Variants in DPP10 observed in about 807,000 individuals in gnomAD.
The protein encoded by DPP10 is dipeptidyl peptidase like 10, also known as inactive dipeptidyl peptidase 10.
A neutral mutation model predicts 120.9 loss-of-function variants in DPP10; 33 were observed. The observed-to-expected ratio is 0.27, with a 90% CI of 0.21 to 0.37. DPP10 has a LOEUF of 0.37. Among genes scored for constraint, DPP10 ranks in the 10% least tolerant of loss-of-function variants. The probability of loss-of-function intolerance (pLI) is 1.00; values close to 1 mark genes in which losing one functional copy is unlikely to be tolerated. For missense variants in DPP10, 816 were observed against 942.8 expected, an observed-to-expected ratio of 0.87 and a Z score of 1.76; for synonymous variants, 337 against 326.1, an observed-to-expected ratio of 1.03 and a Z score of -0.36.
intron 1 of DPP10, among the ~76,000 whole-genome samples, chr2:114,615,914 T>C (rs1215645581): frequency 1.3e-5 from 2 of 152,184 alleles, no homozygotes; most frequent in Non-Finnish European, 2.9e-5. Context: ...GCTCATTATC[T>C]GATAAGGTGT....
At chr2:114,953,864 G>A (rs1697984999) in intron 1 of DPP10, among the ~76,000 whole-genome samples, 1 of 151,890 alleles carries the variant, frequency 6.6e-6, no homozygotes, top group Non-Finnish European at 1.5e-5. Context: ...AATAAATACT[G>A]TGATTAGTGT....
intron 2 of DPP10, among the ~76,000 whole-genome samples, chr2:115,312,454 C>A (rs1012274323): frequency 6.6e-6 from 1 of 152,118 alleles, no homozygotes; most frequent in Non-Finnish European, 1.5e-5. Context: ...CTTGAGTCTT[C>A]AGCCTGGAAG....
intron 1 of DPP10, among the ~76,000 whole-genome samples, chr2:114,961,810 C>T (rs745671098): frequency 5.3e-5 from 8 of 151,940 alleles, no homozygotes; most frequent in Non-Finnish European, 5.9e-5. Flanking sequence ...AAAAATTAGC[C>T]GGGCATGATG....
At chr2:114,522,916 GA>G (rs1386874179) in intron 1 of DPP10, among the ~76,000 whole-genome samples, 4 of 152,242 alleles carry the variant, frequency 2.6e-5, no homozygotes, top group Non-Finnish European at 4.4e-5. Flanking sequence ...GAACAGCATG[GA>G]AAAAACTTGC....
intron 5 of DPP10, among the ~76,000 whole-genome samples, chr2:115,615,997 T>C (rs187306489): frequency 6.6e-6 from 1 of 152,306 alleles, no homozygotes. Flanking sequence ...TATTAGCAAT[T>C]CTAAATTATT....
intron 5 of DPP10, among the ~76,000 whole-genome samples, chr2:115,538,163 T>A (rs2078974313): frequency 6.6e-6 from 1 of 151,946 alleles, no homozygotes; most frequent in South Asian, 2.1e-4. Flanking sequence ...GACTGATGGC[T>A]CTCTCCCTTG....
At chr2:115,835,028 G>C (rs1689318174) in intron 21 of DPP10, among the ~76,000 whole-genome samples, 1 of 151,884 alleles carries the variant, frequency 6.6e-6, no homozygotes. Flanking sequence ...GGAGCTTGCA[G>C]TGAGCCCAGG....
At chr2:114,457,012 C>T (rs1368623054) in intron 1 of DPP10, among the ~76,000 whole-genome samples, 1 of 152,158 alleles carries the variant, frequency 6.6e-6, no homozygotes, top group Non-Finnish European at 1.5e-5. Context: ...CCTGATCTAA[C>T]TCCATCTAGT....
intron 1 of DPP10, chr2:115,130,905 T>A (rs1024635306): frequency 2.0e-5 from 3 of 152,380 alleles, no homozygotes; most frequent in South Asian, 2.1e-4. Context: ...AGTTACCAAC[T>A]TAATTCAGAA....
intron 1 of DPP10, among the ~76,000 whole-genome samples, chr2:114,688,672 G>C (rs1160073442): frequency 6.6e-6 from 1 of 152,088 alleles, no homozygotes; most frequent in Non-Finnish European, 1.5e-5. Context: ...CTTGGCATGT[G>C]AGGAATCCAC....
At chr2:115,439,831 T>C (rs1198247535) in intron 3 of DPP10, among the ~76,000 whole-genome samples, 1 of 152,168 alleles carries the variant, frequency 6.6e-6, no homozygotes, top group Non-Finnish European at 1.5e-5. Context: ...ACATATATAA[T>C]GTGTAGATCA....
chr2:115,146,146 T>C (rs2051214181), intron 1 of DPP10, among the ~76,000 whole-genome samples: 1 of 152,126 alleles, frequency 6.6e-6, no homozygotes, highest in Non-Finnish European at 1.5e-5. Context: ...TCTTTCTGAC[T>C]CCAAATCTCA....
chr2:114,722,583 T>A (rs1237819323), intron 1 of DPP10, among the ~76,000 whole-genome samples: 1 of 151,926 alleles, frequency 6.6e-6, no homozygotes, highest in African/African-American at 2.4e-5. Context: ...GAGACCATCC[T>A]GGCTAACACG....
At chr2:114,873,230 T>A (rs1437221775) in intron 1 of DPP10, among the ~76,000 whole-genome samples, 5 of 152,178 alleles carry the variant, frequency 3.3e-5, no homozygotes, top group Admixed American at 2.0e-4. Context: ...TAGGAGAGGC[T>A]GCAGGTCAAA....
At chr2:114,923,472 C>CTTTTT (rs71394115) in intron 1 of DPP10, among the ~76,000 whole-genome samples, 2 of 69,420 alleles carry the variant, frequency 2.9e-5, no homozygotes, top group East Asian at 4.1e-4. Context: ...GCCTTTTTTC[C>CTTTTT]TTTTTTTTTT....
At chr2:115,373,058 T>A (rs1009585968) in intron 3 of DPP10, among the ~76,000 whole-genome samples, 1 of 152,194 alleles carries the variant, frequency 6.6e-6, no homozygotes, top group African/African-American at 2.4e-5. Context: ...TAGTCTGCCC[T>A]TGGAAGCCAC....
intron 1 of DPP10, among the ~76,000 whole-genome samples, chr2:114,549,663 C>CAAAAAAAA (rs869226518): frequency 1.3e-5 from 1 of 76,490 alleles, no homozygotes; most frequent in African/African-American, 5.2e-5. Flanking sequence ...TGTGTGTCAA[C>CAAAAAAAA]AAAAAAAAAA....
intron 1 of DPP10, among the ~76,000 whole-genome samples, chr2:114,927,723 A>G (rs1426507638): frequency 6.6e-6 from 1 of 152,146 alleles, no homozygotes; most frequent in Non-Finnish European, 1.5e-5. Flanking sequence ...GCAATAAAGG[A>G]GTATCTGAAG....
In DPP10 at chr2:115,383,136, A is replaced by C. The variant is rs78787614; in HGVS notation, c.271+39224A>C. Among the ~76,000 whole-genome samples, 14 of 152,326 alleles carry C rather than the reference A, an allele frequency of 9.2e-5. No individual in the cohort carries two copies. The East Asian group carries it at 2.5e-3, about 27-fold the overall frequency. On this transcript the variant is annotated intron_variant, in intron 3 of 25. Coordinates refer to ENST00000410059, the MANE Select transcript of DPP10 (RefSeq NM_020868.6). ...CTGAGTTTTCAGATTAAAGAATCACACTGAATATTGAGTGATGATGTGGTT... is the reference window on the plus strand; with the variant it reads ...CTGAGTTTTCAGATTAAAGAATCACCCTGAATATTGAGTGATGATGTGGTT...
Sources: allele counts gnomAD v4.1 joint callset (sites outside exome capture counted in the v4.1 genomes callset), GRCh38; gene constraint gnomAD v4.1.1; transcripts MANE v1.5; gene names NCBI Gene and HGNC (gene_info 2026-07-23, HGNC 2026-07-21).